PPP2R2D: variants seen among roughly 807,000 people sequenced by gnomAD.
PPP2R2D encodes protein phosphatase 2 regulatory subunit Bdelta.
PPP2R2D carries 9 observed loss-of-function variants against 31.1 expected under a neutral mutation model. The observed-to-expected ratio is 0.29, with a 90% CI of 0.17 to 0.51. PPP2R2D has a LOEUF of 0.51. Ranked by LOEUF, PPP2R2D falls within the 20% of genes least tolerant of loss-of-function variation. The probability of loss-of-function intolerance (pLI) is 0.98; values close to 1 mark genes in which losing one functional copy is unlikely to be tolerated. For synonymous variants in PPP2R2D, 179 were observed against 172.6 expected (o/e 1.04, Z -0.29); for missense variants, 391 against 465.6 (o/e 0.84, Z 1.48).
In PPP2R2D at chr10:131,926,133, C is replaced by T. The variant is rs535002563; in HGVS notation, c.101-8325C>T. Among the ~76,000 whole-genome samples the T allele has an allele frequency of 3.9e-5, 6 of 152,314 alleles. No homozygotes were observed. In the East Asian group the frequency reaches 1.2e-3, roughly 29 times the overall value. On this transcript the variant is annotated intron_variant, in intron 2 of 8. Coordinates refer to ENST00000455566, the MANE Select transcript of PPP2R2D (RefSeq NM_018461.5). Reference sequence around the variant, plus strand: ...TATTGCATTTGGCTGTCTCCTGCCTCTATCAGTAATTCGGATAAACTCAAT... The same window carrying T: ...TATTGCATTTGGCTGTCTCCTGCCTTTATCAGTAATTCGGATAAACTCAAT...
At chr10:131,928,988 C>G (rs1158128065) in intron 2 of PPP2R2D, among the ~76,000 whole-genome samples, 1 of 152,198 alleles carries the variant, frequency 6.6e-6, no homozygotes, top group African/African-American at 2.4e-5. Flanking sequence ...AATAATAATA[C>G]AACAGGCGCC....
chr10:131,942,607 C>T (rs2036461302), intron 5 of PPP2R2D, among the ~76,000 whole-genome samples: 2 of 152,130 alleles, frequency 1.3e-5, no homozygotes, highest in South Asian at 4.1e-4. Context: ...TGGCTCATAC[C>T]TGTAATCCCA....
intron 2 of PPP2R2D, among the ~76,000 whole-genome samples, chr10:131,906,810 A>G (rs1173592893): frequency 6.6e-6 from 1 of 151,480 alleles, no homozygotes; most frequent in African/African-American, 2.4e-5. Context: ...GTATGGTAGT[A>G]CACACCTGTA....
chr10:131,935,375 GTT>G (rs1487956487), intron 3 of PPP2R2D, among the ~76,000 whole-genome samples: 1 of 152,228 alleles, frequency 6.6e-6, no homozygotes, highest in Non-Finnish European at 1.5e-5. Flanking sequence ...GAAAGGGACA[GTT>G]TATCATCTCC....
At chr10:131,901,561 T>C (rs943681343) in intron 2 of PPP2R2D, among the ~76,000 whole-genome samples, 4 of 152,094 alleles carry the variant, frequency 2.6e-5, no homozygotes, top group African/African-American at 4.8e-5. Context: ...GCGGGACTTA[T>C]GTAAGTCACC....
intron 8 of PPP2R2D, among the ~76,000 whole-genome samples, chr10:131,952,089 C>T (rs187016303): frequency 1.2e-3 from 143 of 120,274 alleles, no homozygotes; most frequent in East Asian, 4.9e-4. Flanking sequence ...CAGTGACTTG[C>T]GGGTGTGCAG....
Position 131,926,470 on chromosome 10 carries a change from A to G in PPP2R2D, c.101-7988A>G, listed in dbSNP as rs151070073. 3.6e-3 allele frequency among the ~76,000 whole-genome samples: 543 copies of G among 152,248 alleles called. 2 individuals carry two copies. Among genetic ancestry groups the G allele is most frequent in the Middle Eastern group, 0.017 (5 of 292 alleles). On this transcript the variant is annotated intron_variant, in intron 2 of 8. Coordinates refer to ENST00000455566, the MANE Select transcript of PPP2R2D (RefSeq NM_018461.5). ...GGCAGGAGGATCGCTTGAGCCCAGGAGTTCGTGACCAGCCTGGACAACATA... is the reference window on the plus strand; with the variant it reads ...GGCAGGAGGATCGCTTGAGCCCAGGGGTTCGTGACCAGCCTGGACAACATA...
At chr10:131,937,085 T>C (rs9419376) in intron 3 of PPP2R2D, among the ~76,000 whole-genome samples, 5 of 152,124 alleles carry the variant, frequency 3.3e-5, no homozygotes, top group Non-Finnish European at 4.4e-5. Context: ...CACGTGTGCG[T>C]CTTAGAATCG....
At chr10:131,946,207 C>T (rs896811665) in intron 7 of PPP2R2D, among the ~76,000 whole-genome samples, 2 of 152,364 alleles carry the variant, frequency 1.3e-5, no homozygotes, top group Middle Eastern at 3.4e-3. Context: ...CATTTTAATC[C>T]AGTGAGCTTT....
chr10:131,950,072 GA>G (rs1294410000), intron 8 of PPP2R2D, among the ~76,000 whole-genome samples: 20 of 152,156 alleles, frequency 1.3e-4, no homozygotes, highest in African/African-American at 4.6e-4. Context: ...ATCTAGAAAT[GA>G]CAAGTATGAC....
chr10:131,935,084 C>A, intron 3 of PPP2R2D: 1 of 411,010 alleles, frequency 2.4e-6, no homozygotes, highest in South Asian at 1.7e-5. Flanking sequence ...GAGTGTGGGC[C>A]TTGGAGGAGC....
At position 131,919,579 on chromosome 10, in the gene PPP2R2D, G is replaced by A. The variant is rs148089941; in HGVS notation, c.101-14879G>A. On this transcript the variant is annotated intron_variant, in intron 2 of 8. Coordinates refer to ENST00000455566, the MANE Select transcript of PPP2R2D (RefSeq NM_018461.5). ...CACAATGTAGGGATCTCACGTGGGT[G>A]GAATGACAGTGTTTGTAGGGACCTC... is the stretch of plus-strand genomic sequence containing the variant. Among the ~76,000 whole-genome samples, 553 of 107,868 alleles carry A rather than the reference G, an allele frequency of 5.1e-3. 82 individuals carry two copies. Among genetic ancestry groups the A allele is most frequent in the African/African-American group, 0.016 (434 of 27,826 alleles). The allele number at this position is 107,868 out of a possible 152,430, so 70.8% of individuals were successfully genotyped here. A position where few individuals can be genotyped will look rare whatever the true frequency, so the allele number is the denominator to read the frequency against.
chr10:131,961,479 G>A (rs1464237961), downstream of PPP2R2D, among the ~76,000 whole-genome samples: 1 of 152,184 alleles, frequency 6.6e-6, no homozygotes, highest in African/African-American at 2.4e-5. Context: ...CAGCCACCCT[G>A]GCCATGGGTC....
At chr10:131,960,119 TTGA>T (rs781999140), downstream of PPP2R2D, among the ~76,000 whole-genome samples, 13 of 152,238 alleles carry the variant, frequency 8.5e-5, no homozygotes, top group Admixed American at 3.9e-4. Flanking sequence ...CAGTGCAGTC[TTGA>T]TGTTCTGAGA....
chr10:131,935,469 A>G (rs1180178799), intron 3 of PPP2R2D, among the ~76,000 whole-genome samples: 1 of 152,052 alleles, frequency 6.6e-6, no homozygotes, highest in Non-Finnish European at 1.5e-5. Context: ...AGATCTGTAC[A>G]CAGGAAGTGC....
At chr10:131,932,192 C>T (rs1157121490) in intron 2 of PPP2R2D, among the ~76,000 whole-genome samples, 4 of 152,098 alleles carry the variant, frequency 2.6e-5, no homozygotes, top group African/African-American at 9.7e-5. Context: ...CACAGCCAGA[C>T]AGCCAGCTGG....
At chr10:131,966,546 T>C in the PPP2R2D span, 1 of 152,240 alleles carries the variant, frequency 6.6e-6, no homozygotes, top group African/African-American at 2.4e-5. Context: ...CCCATCTGTC[T>C]AAAGCACTCC....
At chr10:131,925,133 C>T (rs945758336) in intron 2 of PPP2R2D, among the ~76,000 whole-genome samples, 6 of 152,094 alleles carry the variant, frequency 3.9e-5, no homozygotes, top group Admixed American at 3.3e-4. Flanking sequence ...AATCTGGATG[C>T]CTTTTATTTA....
At chr10:131,919,212 GAC>G (rs1415665016) in intron 2 of PPP2R2D, among the ~76,000 whole-genome samples, 2 of 122,482 alleles carry the variant, frequency 1.6e-5, no homozygotes, top group Non-Finnish European at 3.5e-5. Flanking sequence ...CGGGCGGAAT[GAC>G]ACAGTGTAGG....
Sources: gnomAD v4.1 joint callset for allele counts (sites outside exome capture counted in the v4.1 genomes callset) on GRCh38, gnomAD v4.1.1 for gene constraint, MANE v1.5 for transcripts, NCBI Gene and HGNC (gene_info 2026-07-23, HGNC 2026-07-21) for gene names.